The following LRRC7 variants were observed in gnomAD, a reference collection of about 807,000 sequenced individuals.
LRRC7 encodes leucine-rich repeat-containing protein 7.
In LRRC7, 23 loss-of-function variants were observed where a neutral mutation model predicts 175.7. The ratio of observed to expected loss-of-function variants is 0.13; its 90% CI spans 0.09 to 0.19. The LOEUF is 0.19. LRRC7 is among the 10% of genes least tolerant of loss of function. The pLI is 1.00. For missense variants in LRRC7, 1,354 were observed against 1,904.7 expected (o/e 0.71, Z 5.38); for synonymous variants, 685 against 680.9 (o/e 1.01, Z -0.09).
chr1:69,660,219 A>C (rs1657254156), intron 1 of LRRC7, among the ~76,000 whole-genome samples: 1 of 152,090 alleles, frequency 6.6e-6, no homozygotes, highest in Non-Finnish European at 1.5e-5. Flanking sequence ...ATCACTACAT[A>C]ATGATAAAAG....
intron 3 of LRRC7, among the ~76,000 whole-genome samples, chr1:69,769,423 GAC>G (rs1671977229): frequency 6.8e-6 from 1 of 146,636 alleles, no homozygotes; most frequent in Admixed American, 6.8e-5. Flanking sequence ...TTTGAGCACA[GAC>G]ATAATATTAC....
chr1:69,653,547 G>C (rs1656177397), intron 1 of LRRC7, among the ~76,000 whole-genome samples: 1 of 151,968 alleles, frequency 6.6e-6, no homozygotes, highest in Non-Finnish European at 1.5e-5. Context: ...TTTTTGCATT[G>C]TTGGTAGGAA....
At chr1:69,687,724 C>A (rs779800459) in intron 2 of LRRC7, among the ~76,000 whole-genome samples, 1 of 150,830 alleles carries the variant, frequency 6.6e-6, no homozygotes, top group African/African-American at 2.4e-5. Context: ...TTTTTTTTAC[C>A]CTTCTAACAG....
chr1:70,013,069 C>T lies in LRRC7; in HGVS notation c.1230C>T (p.Val410=), dbSNP rs976598099. 1 of 1,573,504 alleles carries T rather than the reference C, an allele frequency of 6.4e-7. No homozygotes were observed. Among genetic ancestry groups the T allele is most frequent in the South Asian group, 1.2e-5 (1 of 85,162 alleles). ...TTGGACAGATGCAGAAACTAAGAGT[C>T]CTAAATTTGAGTGACAACAGGTATT... ...EEIGQMQKLR[V]LNLSDNRLKN... The change falls in exon 13 of 27, where the codon GTC becomes GTT. Residue 410 remains valine (V), a synonymous_variant. Coordinates refer to ENST00000651989, the MANE Select transcript of LRRC7 (RefSeq NM_001370785.2).
chr1:69,870,046 A>G (rs1557833238), intron 7 of LRRC7, among the ~76,000 whole-genome samples: 1 of 152,146 alleles, frequency 6.6e-6, no homozygotes, highest in Non-Finnish European at 1.5e-5. Context: ...AGTCAGTTCT[A>G]GCTTTCATCT....
Position 69,748,685 on chromosome 1 carries a change from A to G in LRRC7, c.101-11506A>G, listed in dbSNP as rs533567858. ...AACATAAATCTTGTACTACAGTATGAAAATTTCTCAGGAGATCTTAAGGTG... is the reference window on the plus strand; with the variant it reads ...AACATAAATCTTGTACTACAGTATGGAAATTTCTCAGGAGATCTTAAGGTG... On this transcript the variant is annotated intron_variant, in intron 2 of 26. Transcript: ENST00000651989. Among the ~76,000 whole-genome samples, 35 of 152,262 alleles carry G rather than the reference A, an allele frequency of 2.3e-4. 1 individual carries two copies. Among genetic ancestry groups the G allele is most frequent in the Non-Finnish European group, 5.0e-4 (34 of 68,000 alleles).
intron 1 of LRRC7, among the ~76,000 whole-genome samples, chr1:69,631,365 G>T (rs552071707): frequency 6.6e-6 from 1 of 151,944 alleles, no homozygotes; most frequent in South Asian, 2.1e-4. Flanking sequence ...GTCTTTACAC[G>T]CCTTGAACTC....
At chr1:69,576,092 A>AG (rs1645936230) in intron 1 of LRRC7, among the ~76,000 whole-genome samples, 1 of 149,944 alleles carries the variant, frequency 6.7e-6, no homozygotes, top group Non-Finnish European at 1.5e-5. Flanking sequence ...AGTAGCCAAG[A>AG]GTGGTGGTGC....
intron 7 of LRRC7, among the ~76,000 whole-genome samples, chr1:69,909,341 G>A (rs1646439423): frequency 6.6e-6 from 1 of 152,100 alleles, no homozygotes; most frequent in African/African-American, 2.4e-5. Flanking sequence ...TTGCTCGTTA[G>A]TTGATGCAGT....
intron 1 of LRRC7, among the ~76,000 whole-genome samples, chr1:69,648,958 C>T (rs1393789974): frequency 6.6e-6 from 1 of 152,156 alleles, no homozygotes; most frequent in Non-Finnish European, 1.5e-5. Context: ...TAGAAAGCTA[C>T]CAGAAAATGT....
chr1:70,019,576 C>T (rs1024178962), intron 15 of LRRC7, among the ~76,000 whole-genome samples: 3 of 151,788 alleles, frequency 2.0e-5, no homozygotes, highest in South Asian at 2.1e-4. Context: ...GTGAATGAGG[C>T]CAACTTGTAA....
intron 5 of LRRC7, among the ~76,000 whole-genome samples, chr1:69,834,145 T>C (rs1261823188): frequency 5.3e-5 from 8 of 152,152 alleles, no homozygotes; most frequent in Admixed American, 5.2e-4. Context: ...AATTTTTTGA[T>C]GCAGTTTATA....
At chr1:69,700,276 G>A (rs957335169) in intron 2 of LRRC7, among the ~76,000 whole-genome samples, 6 of 152,072 alleles carry the variant, frequency 3.9e-5, no homozygotes, top group South Asian at 2.1e-4. Context: ...AATCTTCCTC[G>A]CCTCAATTTC....
chr1:69,819,380 CTT>C (rs1436856249), intron 4 of LRRC7, among the ~76,000 whole-genome samples: 1 of 151,942 alleles, frequency 6.6e-6, no homozygotes, highest in African/African-American at 2.4e-5. Flanking sequence ...CAGTTTTCCT[CTT>C]GTTAGTGATT....
intron 4 of LRRC7, among the ~76,000 whole-genome samples, chr1:69,816,431 C>T (rs934658645): frequency 2.0e-5 from 3 of 152,136 alleles, no homozygotes; most frequent in African/African-American, 2.4e-5. Context: ...ATATTCAAAC[C>T]GTAGCAGGAA....
chr1:69,881,312 T>A (rs1686577307), intron 7 of LRRC7, among the ~76,000 whole-genome samples: 1 of 152,204 alleles, frequency 6.6e-6, no homozygotes. Flanking sequence ...ATGTCTAAAA[T>A]CAGTCCCTGT....
At chr1:70,011,947 C>A in intron 12 of LRRC7, 21 bp downstream of exon 12, 2 of 1,562,416 alleles carry the variant, frequency 1.3e-6, no homozygotes, top group Non-Finnish European at 1.8e-6. Context: ...AACTTGTTTT[C>A]TATTTATTAA....
At chr1:69,717,815 A>AAAG (rs1665625877) in intron 2 of LRRC7, among the ~76,000 whole-genome samples, 1 of 49,136 alleles carries the variant, frequency 2.0e-5, no homozygotes, top group Non-Finnish European at 3.7e-5. Flanking sequence ...AGAAAGAAAG[A>AAAG]AAGAAAGAAA....
At chr1:69,793,877 C>A (rs1327455887) in intron 4 of LRRC7, among the ~76,000 whole-genome samples, 1 of 152,000 alleles carries the variant, frequency 6.6e-6, no homozygotes. Context: ...TTGAAATTTA[C>A]CAGTGTGAAG....
Sources: allele counts gnomAD v4.1 joint callset (sites outside exome capture counted in the v4.1 genomes callset), GRCh38; gene constraint gnomAD v4.1.1; transcripts MANE v1.5; gene names NCBI Gene and HGNC (gene_info 2026-07-23, HGNC 2026-07-21).